Variants in KDM2B observed in about 807,000 individuals in gnomAD.
The protein encoded by KDM2B is lysine-specific demethylase 2B.
Under a neutral mutation model 150.0 loss-of-function variants are expected in KDM2B, and 26 were observed. The ratio of observed to expected loss-of-function variants is 0.17; its 90% CI spans 0.13 to 0.24. The LOEUF (loss-of-function observed/expected upper bound fraction) is 0.24, where lower values mean the gene tolerates loss of function less well. Among genes scored for constraint, KDM2B ranks in the 10% least tolerant of loss-of-function variants. The pLI is 1.00. For synonymous variants in KDM2B, 734 were observed against 729.5 expected (o/e 1.01, Z -0.10); for missense variants, 1,265 against 1,816.9 (o/e 0.70, Z 5.52).
chr12:121,474,781 A>G (rs1305177063), intron 12 of KDM2B, among the ~76,000 whole-genome samples: 1 of 151,968 alleles, frequency 6.6e-6, no homozygotes, highest in Non-Finnish European at 1.5e-5. Flanking sequence ...GCAAAACCCT[A>G]TCTCTACAAA....
At chr12:121,529,747 T>C (rs1887466899) in intron 8 of KDM2B, among the ~76,000 whole-genome samples, 1 of 150,762 alleles carries the variant, frequency 6.6e-6, no homozygotes, top group African/African-American at 2.4e-5. Context: ...CTGGACAACA[T>C]GGCAAAACCC....
At chr12:121,478,417 T>C (rs1361998009) in intron 12 of KDM2B, among the ~76,000 whole-genome samples, 1 of 150,260 alleles carries the variant, frequency 6.7e-6, no homozygotes, top group Admixed American at 6.7e-5. Flanking sequence ...TGAAGTGCAG[T>C]GGCGTGATCT....
rs1446798560 is a variant in KDM2B at position 121,575,218 on chromosome 12, G to A, written c.350+563C>T. Reference sequence around the variant, plus strand: ...ACCCCAAGCCTCCTCCCCTGCCCCTGCCCAAGGGGCACAAACCTGTTCTTC... The same window carrying A: ...ACCCCAAGCCTCCTCCCCTGCCCCTACCCAAGGGGCACAAACCTGTTCTTC... On this transcript the variant is annotated intron_variant, in intron 3 of 22. Transcript: ENST00000377071. The surrounding 1 kb of genome is among the most constrained non-coding windows in gnomAD (Gnocchi z 4.4). Among the ~76,000 whole-genome samples, 2 of 152,212 alleles carry A rather than the reference G, an allele frequency of 1.3e-5. No homozygotes were observed. Among genetic ancestry groups the A allele is most frequent in the African/African-American group, 2.4e-5 (1 of 41,454 alleles).
intron 12 of KDM2B, chr12:121,493,933 C>T (rs1445627892): frequency 6.6e-6 from 1 of 152,174 alleles, no homozygotes; most frequent in Non-Finnish European, 1.5e-5. Flanking sequence ...AGTCTCTGAT[C>T]ACTGCAACCT....
chr12:121,413,530 G>GGGATACT, the KDM2B span, among the ~76,000 whole-genome samples: 3 of 148,168 alleles, frequency 2.0e-5, no homozygotes, highest in South Asian at 2.1e-4. Flanking sequence ...TCCTGCCTCA[G>GGGATACT]CCTCCCGAGT....
intron 6 of KDM2B, chr12:121,536,280 G>A (rs1366199509): frequency 6.2e-6 from 1 of 162,062 alleles, no homozygotes; most frequent in African/African-American, 2.4e-5. Flanking sequence ...GCTGGAAGGA[G>A]CCTTAACCAT....
At chr12:121,495,381 C>T (rs1883817346) in intron 11 of KDM2B, among the ~76,000 whole-genome samples, 1 of 152,100 alleles carries the variant, frequency 6.6e-6, no homozygotes, top group African/African-American at 2.4e-5. Context: ...GGCTAGTCTC[C>T]AACTCCTGAC....
intron 13 of KDM2B, among the ~76,000 whole-genome samples, chr12:121,450,720 C>T (rs981864971): frequency 6.6e-6 from 1 of 152,000 alleles, no homozygotes; most frequent in African/African-American, 2.4e-5. Context: ...ATTAGCCAGG[C>T]GTGGTGGCGG....
downstream of KDM2B, among the ~76,000 whole-genome samples, chr12:121,425,411 A>G (rs1872465655): frequency 6.6e-6 from 1 of 152,130 alleles, no homozygotes; most frequent in African/African-American, 2.4e-5. Context: ...AGTTGAGACC[A>G]ACTGTCATTT....
chr12:121,561,665 C>G (rs1890348728), intron 4 of KDM2B, among the ~76,000 whole-genome samples: 1 of 152,198 alleles, frequency 6.6e-6, no homozygotes, highest in Non-Finnish European at 1.5e-5. Context: ...CCCCAAGTTG[C>G]TTTTCTTCTG....
chr12:121,531,966 G>A (rs531814064), intron 8 of KDM2B, among the ~76,000 whole-genome samples: 5 of 151,996 alleles, frequency 3.3e-5, no homozygotes, highest in African/African-American at 9.7e-5. Flanking sequence ...GTTGGCGCAC[G>A]TCTGTAATCC....
intron 12 of KDM2B, among the ~76,000 whole-genome samples, chr12:121,479,183 C>T (rs1481806794): frequency 3.9e-5 from 6 of 151,944 alleles, no homozygotes; most frequent in African/African-American, 1.5e-4. Context: ...GGCGCGGTGG[C>T]TCAGGCCTGT....
rs368195499 is a variant in KDM2B at position 121,559,133 on chromosome 12, A to G, written c.398-9495T>C. Among the ~76,000 whole-genome samples, 25 of 152,332 alleles carry G rather than the reference A, an allele frequency of 1.6e-4. No individual in the cohort carries two copies. The East Asian group carries it at 3.1e-3, about 19-fold the overall frequency. ...TAAGGGACTGGCTTAACTCAGCTGTATGCCTGCCTCAGACCAGGGAAGGGC... is the reference window on the plus strand; with the variant it reads ...TAAGGGACTGGCTTAACTCAGCTGTGTGCCTGCCTCAGACCAGGGAAGGGC... On this transcript the variant is annotated intron_variant, in intron 4 of 22. Coordinates refer to ENST00000377071, the MANE Select transcript of KDM2B (RefSeq NM_032590.5).
At position 121,513,454 on chromosome 12, in the gene KDM2B, G is replaced by A; in HGVS notation, c.1048-52C>T. The A allele has an allele frequency of 6.3e-7, 1 of 1,593,452 alleles. No individual in the cohort carries two copies. Among genetic ancestry groups the A allele is most frequent in the East Asian group, 2.3e-5 (1 of 44,320 alleles). ...AGGTCAGTTTCCAGAGGGCGAAGGG[G>A]GAAGGAGGGAGAGAAGTGCGGGGCA... On this transcript the variant is annotated intron_variant, in intron 9 of 22. Transcript: ENST00000377071. This position sits in a 1 kb window ranked among gnomAD's most constrained non-coding sequence, Gnocchi z 5.0.
At chr12:121,454,523 G>A (rs1877911915) in intron 12 of KDM2B, among the ~76,000 whole-genome samples, 2 of 152,160 alleles carry the variant, frequency 1.3e-5, no homozygotes, top group African/African-American at 4.8e-5. Flanking sequence ...TAAGCTAGCT[G>A]CTGAGGACAC....
chr12:121,501,041 T>C (rs1884497179), intron 11 of KDM2B, among the ~76,000 whole-genome samples: 1 of 151,718 alleles, frequency 6.6e-6, no homozygotes, highest in Non-Finnish European at 1.5e-5. Flanking sequence ...GCGGGGGTTG[T>C]GGTGAGGCGA....
chr12:121,430,137 G>A lies in KDM2B; in HGVS notation c.*151C>T. On this transcript the variant is annotated 3_prime_UTR_variant, in exon 23 of 23. Transcript: ENST00000377071. This position sits in a 1 kb window ranked among gnomAD's most constrained non-coding sequence, Gnocchi z 4.4. ...CGGCTCACTCATCCCCCAAACGGGT[G>A]GTTGAACAGCTTCTCCCTTGGAAAG... The A allele has an allele frequency of 6.2e-7, 1 of 1,614,072 alleles. No individual in the cohort carries two copies. Among genetic ancestry groups the A allele is most frequent in the Non-Finnish European group, 8.5e-7 (1 of 1,179,952 alleles).
At chr12:121,559,920 G>A (rs782742442) in intron 4 of KDM2B, among the ~76,000 whole-genome samples, 2 of 151,534 alleles carry the variant, frequency 1.3e-5, no homozygotes, top group Non-Finnish European at 2.9e-5. Context: ...AAAAAAAAAG[G>A]AGTAACATCT....
At chr12:121,565,863 G>A (rs1321979420) in intron 4 of KDM2B, among the ~76,000 whole-genome samples, 8 of 152,034 alleles carry the variant, frequency 5.3e-5, no homozygotes, top group African/African-American at 1.9e-4. Context: ...CTGACCTGAG[G>A]TGATCCACCC....
Sources: gnomAD v4.1 joint callset for allele counts (sites outside exome capture counted in the v4.1 genomes callset) on GRCh38, gnomAD v4.1.1 for gene constraint, Gnocchi (gnomAD v3.1) non-coding constraint, MANE v1.5 for transcripts, NCBI Gene and HGNC (gene_info 2026-07-23, HGNC 2026-07-21) for gene names.